Variants in BCAR3 observed in about 807,000 individuals in gnomAD.
BCAR3 encodes the protein breast cancer anti-estrogen resistance protein 3.
A neutral mutation model predicts 80.1 loss-of-function variants in BCAR3; 37 were observed. That is an observed-to-expected ratio of 0.46 (90% CI 0.36 to 0.61). BCAR3 has a LOEUF of 0.61. Among genes scored for constraint, BCAR3 ranks in the 20% least tolerant of loss-of-function variants. BCAR3 has a pLI of 0.00. For synonymous variants in BCAR3, 389 were observed against 418.9 expected, an observed-to-expected ratio of 0.93 and a Z score of 0.87; for missense variants, 978 against 1,068.2, an observed-to-expected ratio of 0.92 and a Z score of 1.18.
At chr1:93,753,797 C>G (rs1651650939) in intron 2 of BCAR3, 1 of 151,740 alleles carries the variant, frequency 6.6e-6, no homozygotes, top group South Asian at 2.1e-4. Context: ...CACAGGAAAT[C>G]TTGCAGAGAA....
chr1:93,823,385 A>C (rs1654289488), intron 2 of BCAR3, among the ~76,000 whole-genome samples: 2 of 133,804 alleles, frequency 1.5e-5, no homozygotes, highest in Admixed American at 1.5e-4. Context: ...TAGGAAGGTG[A>C]ATGAGGAGAA....
intron 2 of BCAR3, among the ~76,000 whole-genome samples, chr1:93,774,813 T>G (rs1056085135): frequency 5.9e-5 from 9 of 152,216 alleles, no homozygotes; most frequent in Non-Finnish European, 2.9e-5. Flanking sequence ...GTGAAATGTA[T>G]TTGTCTGTGG....
At chr1:93,752,853 G>T (rs1229743613) in intron 2 of BCAR3, 1 of 152,216 alleles carries the variant, frequency 6.6e-6, no homozygotes, top group African/African-American at 2.4e-5. Context: ...AGAAAAAGCA[G>T]TCGAAACTGT....
intron 2 of BCAR3, among the ~76,000 whole-genome samples, chr1:93,740,437 T>A (rs1038026059): frequency 2.0e-5 from 3 of 152,176 alleles, no homozygotes; most frequent in Non-Finnish European, 4.4e-5. Context: ...CCCAGTCCCA[T>A]CAGTCTGTCA....
chr1:93,835,631 G>A (rs892636717), intron 2 of BCAR3, among the ~76,000 whole-genome samples: 2 of 152,072 alleles, frequency 1.3e-5, no homozygotes, highest in East Asian at 1.9e-4. Flanking sequence ...CCTTTCCATC[G>A]TGGAAATCTA....
At chr1:93,624,931 C>A (rs1173314833) in intron 3 of BCAR3, among the ~76,000 whole-genome samples, 1 of 152,192 alleles carries the variant, frequency 6.6e-6, no homozygotes, top group Non-Finnish European at 1.5e-5. Context: ...CATTTTACGG[C>A]CAGGCGCGGT....
intron 2 of BCAR3, among the ~76,000 whole-genome samples, chr1:93,749,904 T>C (rs1651497094): frequency 6.6e-6 from 1 of 151,948 alleles, no homozygotes; most frequent in Non-Finnish European, 1.5e-5. Context: ...TTTTTTTTTT[T>C]TGCTTCTCCT....
intron 3 of BCAR3, among the ~76,000 whole-genome samples, chr1:93,595,995 C>A (rs1674406335): frequency 6.6e-6 from 1 of 152,156 alleles, no homozygotes; most frequent in African/African-American, 2.4e-5. Context: ...ATGGCATAGG[C>A]TAGTTTTTGC....
rs770009415 is a variant in BCAR3 at position 93,582,319 on chromosome 1, T to A, written c.1668A>T (p.Val556=). The change falls in exon 7 of 12, where the codon GTA becomes GTT. Residue 556 remains valine, a synonymous_variant. Coordinates refer to ENST00000260502, the MANE Select transcript of BCAR3 (RefSeq NM_003567.4). ...NNDPKVIAQH[V]LSMDCRVARI... The stretch of plus-strand genomic sequence containing the variant: ...CGCTTACCCTGCAGTCCATGCTCAG[T>A]ACGTGCTGGGCGATGACCTTGGGGT... The A allele has an allele frequency of 6.2e-6, 10 of 1,613,996 alleles. No homozygotes were observed. The African/African-American group carries it at 1.3e-4, about 22-fold the overall frequency.
intron 2 of BCAR3, among the ~76,000 whole-genome samples, chr1:93,660,273 C>A (rs1228625516): frequency 6.6e-6 from 1 of 152,186 alleles, no homozygotes. Flanking sequence ...GACAGAACTC[C>A]CTCAGCAACA....
chr1:93,683,648 A>G (rs562453397), upstream of BCAR3, among the ~76,000 whole-genome samples: 3 of 152,348 alleles, frequency 2.0e-5, no homozygotes, highest in African/African-American at 4.8e-5. Flanking sequence ...GAATCTTACA[A>G]ATAGGATATT....
intron 2 of BCAR3, among the ~76,000 whole-genome samples, chr1:93,787,357 G>A (rs1652983642): frequency 6.6e-6 from 1 of 152,074 alleles, no homozygotes; most frequent in African/African-American, 2.4e-5. Context: ...GCTGGGTTTG[G>A]GTTTGGTTTG....
At chr1:93,765,760 AG>A (rs1392784513) in intron 2 of BCAR3, among the ~76,000 whole-genome samples, 1 of 151,300 alleles carries the variant, frequency 6.6e-6, no homozygotes, top group African/African-American at 2.4e-5. Context: ...TCCGCCTCCC[AG>A]GTTCAAGCGA....
At chr1:93,684,181 C>T (rs1648895683), upstream of BCAR3, among the ~76,000 whole-genome samples, 1 of 152,128 alleles carries the variant, frequency 6.6e-6, no homozygotes, top group East Asian at 1.9e-4. Flanking sequence ...ATTTCTAAAT[C>T]GAAGTATCCG....
chr1:93,578,613 C>T (rs1386946975), intron 7 of BCAR3, among the ~76,000 whole-genome samples: 4 of 152,204 alleles, frequency 2.6e-5, no homozygotes, highest in African/African-American at 9.7e-5. Context: ...CCCATCTCCA[C>T]ACCCAACTCC....
intron 1 of BCAR3, chr1:93,845,716 T>A (rs1038273220): frequency 2.0e-5 from 3 of 152,084 alleles, no homozygotes; most frequent in Non-Finnish European, 4.4e-5. Context: ...TGTCTCCCTA[T>A]GGAACAAAGA....
chr1:93,701,804 A>T (rs750027388), intron 3 of BCAR3, among the ~76,000 whole-genome samples: 2 of 152,118 alleles, frequency 1.3e-5, no homozygotes, highest in Non-Finnish European at 2.9e-5. Flanking sequence ...CAGGTGACTC[A>T]CCAGGCAGGC....
chr1:93,592,074 G>C lies in BCAR3; in HGVS notation c.486+191C>G, dbSNP rs1396238420. Reference sequence around the variant, plus strand: ...TCCTGAACATGTGGATGTGTGCTTTGGGTTCTTGACCTCAGCTCTTCCCAA... The same window carrying C: ...TCCTGAACATGTGGATGTGTGCTTTCGGTTCTTGACCTCAGCTCTTCCCAA... On this transcript the variant is annotated intron_variant, in intron 4 of 11. Coordinates refer to ENST00000260502, the MANE Select transcript of BCAR3 (RefSeq NM_003567.4). The surrounding 1 kb of genome is among the most constrained non-coding windows in gnomAD (Gnocchi z 4.8). 22 of 722,966 alleles carry C rather than the reference G, an allele frequency of 3.0e-5. No individual in the cohort carries two copies. Among genetic ancestry groups the C allele is most frequent in the South Asian group, 1.4e-4 (7 of 51,466 alleles). 44.8% of individuals were successfully genotyped at this position (722,966 alleles called of 1,614,324 possible).
chr1:93,636,564 C>CA (rs940855152), intron 3 of BCAR3, among the ~76,000 whole-genome samples: 53 of 145,558 alleles, frequency 3.6e-4, no homozygotes, highest in South Asian at 1.3e-3. Flanking sequence ...AAAAAAAAAA[C>CA]AAAAAAAACA....
Sources: allele counts gnomAD v4.1 joint callset (sites outside exome capture counted in the v4.1 genomes callset), GRCh38; gene constraint gnomAD v4.1.1; non-coding constraint Gnocchi (gnomAD v3.1); transcripts MANE v1.5; gene names NCBI Gene and HGNC (gene_info 2026-07-23, HGNC 2026-07-21).